The following CYP7B1 variants were observed in gnomAD, a reference collection of about 807,000 sequenced individuals.
The protein encoded by CYP7B1 is cytochrome P450 family 7 subfamily B member 1.
CYP7B1 carries 29 observed loss-of-function variants against 42.7 expected under a neutral mutation model. The observed-to-expected ratio is 0.68, with a 90% CI of 0.51 to 0.93. The LOEUF (loss-of-function observed/expected upper bound fraction) is 0.93. CYP7B1 is among the 40% of genes least tolerant of loss of function. CYP7B1 has a pLI of 0.00. For synonymous variants in CYP7B1, 235 were observed against 218.2 expected, an observed-to-expected ratio of 1.08 and a Z score of -0.68; for missense variants, 655 against 600.5, an observed-to-expected ratio of 1.09 and a Z score of -0.95.
At chr8:64,721,920 A>G (rs985618012) in intron 1 of CYP7B1, among the ~76,000 whole-genome samples, 7 of 152,214 alleles carry the variant, frequency 4.6e-5, no homozygotes, top group South Asian at 2.1e-4. Flanking sequence ...ATGTCAGTTT[A>G]TAGAAATTTG....
At chr8:64,763,156 C>T (rs529170530) in intron 1 of CYP7B1, among the ~76,000 whole-genome samples, 1 of 152,346 alleles carries the variant, frequency 6.6e-6, no homozygotes, top group South Asian at 2.1e-4. Context: ...GTCCACTGTG[C>T]TCCTGATCCA....
intron 1 of CYP7B1, among the ~76,000 whole-genome samples, chr8:64,748,039 C>T (rs926624914): frequency 1.3e-5 from 2 of 152,178 alleles, no homozygotes; most frequent in African/African-American, 4.8e-5. Context: ...ACCCAAACTC[C>T]TCTTCTGGGG....
At chr8:64,691,776 G>A (rs996230134) in intron 1 of CYP7B1, among the ~76,000 whole-genome samples, 15 of 152,122 alleles carry the variant, frequency 9.9e-5, no homozygotes, top group African/African-American at 2.7e-4. Flanking sequence ...TCCCCCATCT[G>A]CAGTGGAGTT....
At chr8:64,705,530 T>C (rs1228347967) in intron 1 of CYP7B1, among the ~76,000 whole-genome samples, 1 of 151,490 alleles carries the variant, frequency 6.6e-6, no homozygotes, top group Non-Finnish European at 1.5e-5. Context: ...AAAAAAAAAA[T>C]CTCAAAACAT....
intron 1 of CYP7B1, among the ~76,000 whole-genome samples, chr8:64,715,659 G>C (rs1176633724): frequency 7.0e-6 from 1 of 142,472 alleles, no homozygotes; most frequent in Non-Finnish European, 1.5e-5. Context: ...TGGCAACAGA[G>C]GGAAAATGGG....
chr8:64,770,560 TAA>T (rs1210776962), intron 1 of CYP7B1, among the ~76,000 whole-genome samples: 3 of 152,194 alleles, frequency 2.0e-5, no homozygotes, highest in Non-Finnish European at 4.4e-5. Flanking sequence ...TCATCTACCA[TAA>T]AAATAAAACT....
intron 5 of CYP7B1, among the ~76,000 whole-genome samples, chr8:64,599,195 CT>C (rs1016569807): frequency 4.0e-5 from 6 of 148,616 alleles, no homozygotes; most frequent in Admixed American, 6.7e-5. Flanking sequence ...TTTTTCTTTT[CT>C]TTTTTTTTTG....
rs1805461520 is a variant in CYP7B1 at position 64,617,162 on chromosome 8, C to T, written c.260-881G>A. ...GAGGTGATGACATTTACCTTTTCAA[C>T]ATATCAGTGTTGCCCAAACTTATCA... is the stretch of plus-strand genomic sequence containing the variant. On this transcript the variant is annotated intron_variant, in intron 2 of 5. Transcript: ENST00000310193. Among the ~76,000 whole-genome samples the T allele has an allele frequency of 2.0e-5, 3 of 152,158 alleles. No individual in the cohort carries two copies. The South Asian group carries it at 6.2e-4, about 32-fold the overall frequency.
intron 1 of CYP7B1, among the ~76,000 whole-genome samples, chr8:64,787,946 T>G (rs550017815): frequency 3.4e-4 from 52 of 152,276 alleles, no homozygotes; most frequent in Non-Finnish European, 6.3e-4. Context: ...TATCAGATGC[T>G]TAGAAAACTA....
chr8:64,763,951 C>T (rs1048287464), intron 1 of CYP7B1, among the ~76,000 whole-genome samples: 1 of 152,216 alleles, frequency 6.6e-6, no homozygotes, highest in Non-Finnish European at 1.5e-5. Context: ...CTCCTAGGTA[C>T]TAATGGTTCA....
At chr8:64,720,255 T>G (rs921091918) in intron 1 of CYP7B1, among the ~76,000 whole-genome samples, 1 of 152,202 alleles carries the variant, frequency 6.6e-6, no homozygotes, top group African/African-American at 2.4e-5. Flanking sequence ...CGAAGATGGT[T>G]GTTGCCAATT....
intron 1 of CYP7B1, among the ~76,000 whole-genome samples, chr8:64,651,611 G>C (rs1806039911): frequency 6.6e-6 from 1 of 152,128 alleles, no homozygotes; most frequent in Non-Finnish European, 1.5e-5. Context: ...TTGGGGGTGA[G>C]GCCTTTGGAA....
At chr8:64,769,228 G>A (rs1224080050) in intron 1 of CYP7B1, among the ~76,000 whole-genome samples, 3 of 152,102 alleles carry the variant, frequency 2.0e-5, no homozygotes, top group Admixed American at 6.5e-5. Flanking sequence ...TATGGAACGG[G>A]ATGGCACCAT....
At chr8:64,610,073 G>A (rs1184951487) in intron 4 of CYP7B1, among the ~76,000 whole-genome samples, 1 of 152,138 alleles carries the variant, frequency 6.6e-6, no homozygotes, top group Non-Finnish European at 1.5e-5. Flanking sequence ...TTTCTGCTGA[G>A]TCACATGTTT....
chr8:64,665,860 G>A (rs1442565629), intron 1 of CYP7B1, among the ~76,000 whole-genome samples: 2 of 152,084 alleles, frequency 1.3e-5, no homozygotes, highest in African/African-American at 4.8e-5. Flanking sequence ...ACAGGCGTGA[G>A]CCACCACGCC....
intron 1 of CYP7B1, among the ~76,000 whole-genome samples, chr8:64,685,856 T>C (rs1333439487): frequency 2.3e-4 from 7 of 31,074 alleles, no homozygotes; most frequent in South Asian, 1.1e-3. Context: ...CGGCCAGCCG[T>C]GCCATCCGGG....
At chr8:64,688,403 C>A (rs969336099) in intron 1 of CYP7B1, among the ~76,000 whole-genome samples, 5 of 120,146 alleles carry the variant, frequency 4.2e-5, no homozygotes, top group African/African-American at 1.5e-4. Flanking sequence ...TCCTTCCCTT[C>A]TTTTCTTTAT....
At chr8:64,655,706 T>C (rs533056134) in intron 1 of CYP7B1, among the ~76,000 whole-genome samples, 10 of 152,278 alleles carry the variant, frequency 6.6e-5, no homozygotes, top group Non-Finnish European at 1.3e-4. Context: ...TAAAGACACA[T>C]GCACACAGAT....
chr8:64,689,731 C>A (rs1443226664), intron 1 of CYP7B1, among the ~76,000 whole-genome samples: 1 of 151,996 alleles, frequency 6.6e-6, no homozygotes, highest in Non-Finnish European at 1.5e-5. Flanking sequence ...TACTGCCCGG[C>A]AAATTTTTGT....
Sources: allele counts gnomAD v4.1 joint callset (sites outside exome capture counted in the v4.1 genomes callset), GRCh38; gene constraint gnomAD v4.1.1; transcripts MANE v1.5; gene names NCBI Gene and HGNC (gene_info 2026-07-23, HGNC 2026-07-21).